Variants in SDCCAG8 observed in about 807,000 individuals in gnomAD.
The protein encoded by SDCCAG8 is SHH signaling and ciliogenesis regulator SDCCAG8, also known as serologically defined colon cancer antigen 8.
A neutral mutation model predicts 101.8 loss-of-function variants in SDCCAG8; 74 were observed. The ratio of observed to expected loss-of-function variants is 0.73; its 90% CI spans 0.60 to 0.88. The LOEUF (loss-of-function observed/expected upper bound fraction) is 0.88. Among genes scored for constraint, SDCCAG8 ranks in the 40% least tolerant of loss-of-function variants. The pLI, the probability that SDCCAG8 is intolerant of heterozygous loss-of-function variation, is 0.00. For missense variants in SDCCAG8, 787 were observed against 822.6 expected (o/e 0.96, Z 0.53); for synonymous variants, 281 against 292.9 (o/e 0.96, Z 0.41).
intron 7 of SDCCAG8, chr1:243,306,135 T>C (rs1431607415): frequency 6.6e-6 from 1 of 151,254 alleles, no homozygotes; most frequent in Non-Finnish European, 1.5e-5. Context: ...GCTTTCACTG[T>C]ACATGGTTGT....
chr1:243,259,163 G>A (rs1018276815), intron 1 of SDCCAG8, among the ~76,000 whole-genome samples: 13 of 152,082 alleles, frequency 8.5e-5, no homozygotes, highest in Admixed American at 8.5e-4. Flanking sequence ...CACTTTGGGA[G>A]GCTGGGGCGG....
intron 13 of SDCCAG8, among the ~76,000 whole-genome samples, chr1:243,380,669 G>A (rs1282056788): frequency 6.6e-6 from 1 of 151,570 alleles, no homozygotes; most frequent in African/African-American, 2.4e-5. Context: ...GTTTTGCTTG[G>A]TTCCATAGAA....
chr1:243,312,732 C>T (rs1202487282), intron 8 of SDCCAG8, among the ~76,000 whole-genome samples: 2 of 138,828 alleles, frequency 1.4e-5, no homozygotes, highest in Admixed American at 1.4e-4. Context: ...AAAATAATGG[C>T]TTGTACAGTT....
intron 17 of SDCCAG8, among the ~76,000 whole-genome samples, chr1:243,494,628 C>T (rs1225541414): frequency 6.6e-6 from 1 of 152,238 alleles, no homozygotes; most frequent in African/African-American, 2.4e-5. Flanking sequence ...GCCAGACTTG[C>T]TCTTCCGTTA....
chr1:243,321,480 T>A (rs2073751810), intron 9 of SDCCAG8, among the ~76,000 whole-genome samples: 1 of 152,006 alleles, frequency 6.6e-6, no homozygotes, highest in African/African-American at 2.4e-5. Context: ...GAGCATATGG[T>A]GTTTGGTTTC....
chr1:243,296,704 G>A (rs1054190171), intron 6 of SDCCAG8, among the ~76,000 whole-genome samples: 2 of 151,506 alleles, frequency 1.3e-5, no homozygotes, highest in Admixed American at 6.6e-5. Context: ...CACTGCGCCC[G>A]GCTAATTTTT....
chr1:243,304,795 A>C lies in SDCCAG8; in HGVS notation c.740+18A>C, dbSNP rs1394032819. The C allele has an allele frequency of 7.3e-7, 1 of 1,378,838 alleles. No homozygotes were observed. The highest frequency in any genetic ancestry group is 1.4e-5 in the African/African-American group (1 of 70,430). The allele number at this position is 1,378,838 out of a possible 1,614,324, so 85.4% of individuals were successfully genotyped here. On this transcript the variant is annotated intron_variant, in intron 7 of 17. Coordinates refer to ENST00000366541, the MANE Select transcript of SDCCAG8 (RefSeq NM_006642.5). ...TTTTTGAGGTAAAGTGAAATCGTCC[A>C]TTTATAGTCATACCAAAAGCATAAT...
At chr1:243,459,290 G>C (rs1259774011) in intron 16 of SDCCAG8, among the ~76,000 whole-genome samples, 1 of 152,216 alleles carries the variant, frequency 6.6e-6, no homozygotes, top group Non-Finnish European at 1.5e-5. Context: ...GGGAAAGCTA[G>C]AATTTAAATA....
chr1:243,431,384 C>A (rs1372975039), intron 16 of SDCCAG8, among the ~76,000 whole-genome samples: 1 of 152,084 alleles, frequency 6.6e-6, no homozygotes, highest in Admixed American at 6.6e-5. Flanking sequence ...AAGGACGACA[C>A]CCATATTTCT....
At chr1:243,273,735 C>A (rs779750522) in intron 3 of SDCCAG8, among the ~76,000 whole-genome samples, 1 of 152,236 alleles carries the variant, frequency 6.6e-6, no homozygotes, top group Non-Finnish European at 1.5e-5. Context: ...AGCAAATCCT[C>A]TTCCATGGCA....
chr1:243,475,116 T>C (rs1401088695), intron 16 of SDCCAG8, among the ~76,000 whole-genome samples: 2 of 151,950 alleles, frequency 1.3e-5, no homozygotes, highest in Non-Finnish European at 2.9e-5. Context: ...AGCTCTGTCC[T>C]GCAGCCCCTC....
chr1:243,337,676 A>G (rs763952688), intron 10 of SDCCAG8, among the ~76,000 whole-genome samples: 3 of 152,246 alleles, frequency 2.0e-5, no homozygotes, highest in Admixed American at 6.5e-5. Flanking sequence ...AATATCTAAT[A>G]TAATGTCTGA....
chr1:243,434,072 T>A (rs1394194302), intron 16 of SDCCAG8, among the ~76,000 whole-genome samples: 1 of 152,218 alleles, frequency 6.6e-6, no homozygotes, highest in Admixed American at 6.5e-5. Flanking sequence ...TCTTCTTGCT[T>A]TTAATTATAA....
At chr1:243,338,052 C>T (rs1037306716) in intron 10 of SDCCAG8, among the ~76,000 whole-genome samples, 3 of 151,764 alleles carry the variant, frequency 2.0e-5, no homozygotes, top group Non-Finnish European at 2.9e-5. Flanking sequence ...TCCTAAGTAG[C>T]TAGGACTACA....
rs779109082 is a variant in SDCCAG8 at position 243,330,563 on chromosome 1, G to T, written c.1092G>T (p.Leu364Phe). 8.7e-6 allele frequency: 14 copies of T among 1,614,056 alleles called. No individual in the cohort carries two copies. The highest frequency in any genetic ancestry group is 1.3e-5 in the African/African-American group (1 of 75,002). ...AGGCTTTAATCCAGTGTGACCAGTT[G>T]AGGAAGGAGCTGGAGAGGCAGGCGG... Reference protein sequence around the residue: ...KTKALIQCDQLRKELERQAER... With the variant: ...KTKALIQCDQFRKELERQAER... The change falls in exon 10 of 18, where the codon TTG becomes TTT. Residue 364 changes from leucine to phenylalanine, a missense_variant. Physicochemically the swap from Leu to Phe is conservative, Grantham distance 22. Coordinates refer to ENST00000366541, the MANE Select transcript of SDCCAG8 (RefSeq NM_006642.5).
intron 16 of SDCCAG8, among the ~76,000 whole-genome samples, chr1:243,440,255 A>G (rs1343719172): frequency 6.6e-6 from 1 of 152,204 alleles, no homozygotes; most frequent in Admixed American, 6.5e-5. Flanking sequence ...TTTGTTAAAT[A>G]AAATAAGTTC....
chr1:243,338,429 T>C (rs189128575), intron 10 of SDCCAG8, among the ~76,000 whole-genome samples: 52 of 152,154 alleles, frequency 3.4e-4, no homozygotes, highest in Non-Finnish European at 6.9e-4. Context: ...TTCTTTTTTT[T>C]TTTTTTAAAT....
At position 243,365,423 on chromosome 1, in the gene SDCCAG8, T is replaced by C. The variant is rs1400904763; in HGVS notation, c.1474-13298T>C. 2.0e-5 allele frequency among the ~76,000 whole-genome samples: 3 copies of C among 152,208 alleles called. No homozygotes were observed. The East Asian group carries it at 5.8e-4, about 29-fold the overall frequency. ...GAAATTGTATTTGCTAAGTAAATAC[T>C]GTACATCGAAGTCTTGGAAGTTAGA... On this transcript the variant is annotated intron_variant, in intron 12 of 17. Transcript: ENST00000366541.
intron 16 of SDCCAG8, among the ~76,000 whole-genome samples, chr1:243,461,329 T>A (rs1200620363): frequency 6.6e-6 from 1 of 152,218 alleles, no homozygotes; most frequent in Non-Finnish European, 1.5e-5. Context: ...AATGTAAGGT[T>A]GATCAAAGGG....
Sources: allele counts gnomAD v4.1 joint callset (sites outside exome capture counted in the v4.1 genomes callset), GRCh38; gene constraint gnomAD v4.1.1; transcripts MANE v1.5; gene names NCBI Gene and HGNC (gene_info 2026-07-23, HGNC 2026-07-21).